The following NUBPL variants were observed in gnomAD, a reference collection of about 807,000 sequenced individuals.
NUBPL encodes the protein NUBP iron-sulfur cluster assembly factor, mitochondrial.
A neutral mutation model predicts 45.7 loss-of-function variants in NUBPL; 31 were observed. The ratio of observed to expected loss-of-function variants is 0.68; its 90% CI spans 0.51 to 0.92. The LOEUF (loss-of-function observed/expected upper bound fraction) is 0.92. Ranked by LOEUF, NUBPL falls within the 40% of genes least tolerant of loss-of-function variation. The pLI, the probability that NUBPL is intolerant of heterozygous loss-of-function variation, is 0.00. For missense variants in NUBPL, 401 were observed against 398.7 expected (o/e 1.01, Z -0.05); for synonymous variants, 144 against 140.9 (o/e 1.02, Z -0.15).
In NUBPL at chr14:31,781,874, A is replaced by G. The variant is rs149638127; in HGVS notation, c.514-5906A>G. ...TAACCAGTCATTTTACTTTAGGACA[A>G]AGATTTACTACACATGATTCTTTCT... On this transcript the variant is annotated intron_variant, in intron 6 of 10. Coordinates refer to ENST00000281081, the MANE Select transcript of NUBPL (RefSeq NM_025152.3). 6.6e-3 allele frequency among the ~76,000 whole-genome samples: 999 copies of G among 152,230 alleles called. 12 individuals are homozygous for G. Among genetic ancestry groups the G allele is most frequent in the African/African-American group, 0.022 (930 of 41,558 alleles).
intron 8 of NUBPL, among the ~76,000 whole-genome samples, chr14:31,840,484 G>C (rs2040352029): frequency 6.6e-6 from 1 of 151,404 alleles, no homozygotes; most frequent in South Asian, 2.1e-4. Context: ...GGAGGTAGGA[G>C]AATGGTGTGA....
intron 7 of NUBPL, among the ~76,000 whole-genome samples, chr14:31,806,477 G>C (rs951689237): frequency 6.6e-6 from 1 of 152,102 alleles, no homozygotes; most frequent in African/African-American, 2.4e-5. Flanking sequence ...AACCAAAATA[G>C]TTTTTTCAGT....
chr14:31,642,510 A>G (rs935956102), intron 4 of NUBPL, among the ~76,000 whole-genome samples: 9 of 151,792 alleles, frequency 5.9e-5, no homozygotes, highest in Non-Finnish European at 1.0e-4. Context: ...GTGTGGATTT[A>G]TTTATGTGTT....
rs3035713 is a variant in NUBPL, at chr14:31,742,237, T to TACACACACACACACACAC, written c.514-45517_514-45500dup. On this transcript the variant is annotated intron_variant, in intron 6 of 10. Transcript: ENST00000281081. ...TATGAAACCAATTTTAACTATTGTGTACACACACACACACACACACACACA... is the reference window on the plus strand; with the variant it reads ...TATGAAACCAATTTTAACTATTGTGTACACACACACACACACACACACACACACACACACACACACACA... Among the ~76,000 whole-genome samples the TACACACACACACACACAC allele has an allele frequency of 4.5e-4, 64 of 141,472 alleles. 1 individual carries two copies. Among genetic ancestry groups the TACACACACACACACACAC allele is most frequent in the Non-Finnish European group, 6.6e-4 (43 of 65,008 alleles). The allele number at this position is 141,472 out of a possible 152,430, so 92.8% of individuals were successfully genotyped here.
chr14:31,672,273 A>G (rs111504595), intron 4 of NUBPL, among the ~76,000 whole-genome samples: 27 of 148,214 alleles, frequency 1.8e-4, no homozygotes, highest in African/African-American at 4.7e-4. Context: ...CTGATTAGAT[A>G]TGTGTGTGTG....
intron 3 of NUBPL, among the ~76,000 whole-genome samples, chr14:31,568,140 G>A (rs1007482904): frequency 2.0e-5 from 3 of 152,134 alleles, no homozygotes; most frequent in African/African-American, 7.2e-5. Context: ...ACAGCACTTA[G>A]TTACCCTAGA....
intron 4 of NUBPL, among the ~76,000 whole-genome samples, chr14:31,645,503 A>G (rs2035823612): frequency 6.6e-6 from 1 of 152,004 alleles, no homozygotes; most frequent in African/African-American, 2.4e-5. Context: ...TACTACTGCC[A>G]TTTTGTTTCT....
Position 31,683,419 on chromosome 14 carries a change from C to T in NUBPL, c.513+9845C>T, listed in dbSNP as rs147851127. Among the ~76,000 whole-genome samples the T allele has an allele frequency of 1.8e-4, 23 of 126,886 alleles. 1 individual carries two copies. In the East Asian group the frequency reaches 5.2e-3, roughly 29 times the overall value. The allele number at this position is 126,886 out of a possible 152,430, so 83.2% of individuals were successfully genotyped here. A position where few individuals can be genotyped will look rare whatever the true frequency, so the allele number is the denominator to read the frequency against. On this transcript the variant is annotated intron_variant, in intron 6 of 10. Transcript: ENST00000281081. ...CTGTCACTATGCTGTAGCTCAATGG[C>T]ATAATCTAGGCTCACTGCAACTTCC...
intron 7 of NUBPL, among the ~76,000 whole-genome samples, chr14:31,818,200 A>G (rs990288307): frequency 1.3e-5 from 2 of 152,150 alleles, no homozygotes; most frequent in Admixed American, 1.3e-4. Flanking sequence ...CTCCCACACA[A>G]TAATAGTGGG....
At chr14:31,735,745 G>A (rs762200338) in intron 6 of NUBPL, among the ~76,000 whole-genome samples, 9 of 152,058 alleles carry the variant, frequency 5.9e-5, no homozygotes, top group Non-Finnish European at 1.0e-4. Context: ...CCAGCTACTC[G>A]GGAGGCTGAG....
intron 8 of NUBPL, among the ~76,000 whole-genome samples, chr14:31,834,255 A>G (rs1170603327): frequency 1.5e-5 from 2 of 137,054 alleles, no homozygotes; most frequent in East Asian, 4.2e-4. Flanking sequence ...ATCTTGGCTC[A>G]CTGCAACCTC....
chr14:31,810,585 T>C (rs1200471117), intron 7 of NUBPL, among the ~76,000 whole-genome samples: 1 of 152,196 alleles, frequency 6.6e-6, no homozygotes, highest in East Asian at 1.9e-4. Flanking sequence ...TGCCAGTCTG[T>C]GTCTTTTAAA....
At chr14:31,749,875 A>G (rs1247458456) in intron 6 of NUBPL, among the ~76,000 whole-genome samples, 1 of 152,088 alleles carries the variant, frequency 6.6e-6, no homozygotes, top group African/African-American at 2.4e-5. Flanking sequence ...TAAGTCCTGT[A>G]GGTGTTCTTC....
At chr14:31,657,970 T>A (rs1041455675) in intron 4 of NUBPL, among the ~76,000 whole-genome samples, 2 of 152,196 alleles carry the variant, frequency 1.3e-5, no homozygotes, top group Non-Finnish European at 2.9e-5. Flanking sequence ...AAATGTCCCC[T>A]ATAAACAGAA....
intron 3 of NUBPL, among the ~76,000 whole-genome samples, chr14:31,595,293 G>A (rs144960202): frequency 1.2e-4 from 18 of 152,260 alleles, no homozygotes; most frequent in African/African-American, 2.6e-4. Flanking sequence ...TATGTCATCT[G>A]CTAGATTTTG....
intron 7 of NUBPL, among the ~76,000 whole-genome samples, chr14:31,816,533 G>A (rs7144386): frequency 0.35 from 53,441 of 151,610 alleles, 10,125 homozygotes; most frequent in South Asian, 0.44. Flanking sequence ...ATCTCCTTCA[G>A]TTCTGCTCTG....
At chr14:31,607,926 T>A (rs959261560) in intron 4 of NUBPL, among the ~76,000 whole-genome samples, 1 of 151,980 alleles carries the variant, frequency 6.6e-6, no homozygotes, top group Non-Finnish European at 1.5e-5. Context: ...AAAAGAAAAC[T>A]ATCCAAAGGC....
chr14:31,766,372 G>C (rs1410360775), intron 6 of NUBPL, among the ~76,000 whole-genome samples: 1 of 152,166 alleles, frequency 6.6e-6, no homozygotes, highest in Non-Finnish European at 1.5e-5. Context: ...CCTCCGGTTG[G>C]AAGGCAGAAC....
intron 6 of NUBPL, among the ~76,000 whole-genome samples, chr14:31,699,145 G>T (rs1011440452): frequency 6.6e-6 from 1 of 152,196 alleles, no homozygotes; most frequent in Admixed American, 6.5e-5. Context: ...ATGAGCCACT[G>T]TGCCTGGCCC....
Sources: gnomAD v4.1 joint callset for allele counts (sites outside exome capture counted in the v4.1 genomes callset) on GRCh38, gnomAD v4.1.1 for gene constraint, MANE v1.5 for transcripts, NCBI Gene and HGNC (gene_info 2026-07-23, HGNC 2026-07-21) for gene names.